NCOR1: variants seen among roughly 807,000 people sequenced by gnomAD.
NCOR1 encodes nuclear receptor corepressor 1, also known as protein phosphatase 1, regulatory subunit 109.
NCOR1 carries 63 observed loss-of-function variants against 288.1 expected under a neutral mutation model. The ratio of observed to expected loss-of-function variants is 0.22; its 90% CI spans 0.18 to 0.27. The LOEUF is 0.27. Ranked by LOEUF, NCOR1 falls within the 10% of genes least tolerant of loss-of-function variation. The pLI is 1.00. For missense variants in NCOR1, 2,397 were observed against 3,019.2 expected (o/e 0.79, Z 4.83); for synonymous variants, 1,007 against 1,065.9 (o/e 0.94, Z 1.08).
At chr17:16,127,621 A>G (rs940111914) in intron 14 of NCOR1, among the ~76,000 whole-genome samples, 2 of 143,024 alleles carry the variant, frequency 1.4e-5, no homozygotes, top group South Asian at 2.1e-4. Context: ...GTGTATGTGT[A>G]TATATACATA....
At chr17:16,087,115 C>A in intron 22 of NCOR1, 1 of 1,241,350 alleles carries the variant, frequency 8.1e-7, no homozygotes, top group African/African-American at 1.5e-5. Context: ...AAACCACCCA[C>A]GTGGAACATC....
chr17:16,210,330 C>G (rs1478564945), intron 1 of NCOR1, among the ~76,000 whole-genome samples: 2 of 151,394 alleles, frequency 1.3e-5, no homozygotes, highest in Non-Finnish European at 3.0e-5. Context: ...GTTATGGTGA[C>G]CTGAGACAGC....
intron 32 of NCOR1, among the ~76,000 whole-genome samples, chr17:16,067,252 T>C (rs117498586): frequency 1.7e-3 from 265 of 152,372 alleles, no homozygotes; most frequent in Non-Finnish European, 3.1e-3. Context: ...CAGCTGTACT[T>C]GTTACTAGAA....
intron 23 of NCOR1, among the ~76,000 whole-genome samples, chr17:16,084,997 TAAGAA>T (rs2152851869): frequency 1.3e-5 from 2 of 152,214 alleles, no homozygotes; most frequent in East Asian, 3.9e-4. Context: ...AAAATACCAG[TAAGAA>T]AATAAACAGA....
intron 25 of NCOR1, 122 bp downstream of exon 25, chr17:16,080,286 A>G (rs2063201412): frequency 7.2e-6 from 7 of 969,426 alleles, no homozygotes; most frequent in Non-Finnish European, 1.0e-5. Context: ...ATGGAAAGAA[A>G]ACAAATTTAG....
chr17:16,115,818 C>T (rs2071453546), intron 18 of NCOR1, among the ~76,000 whole-genome samples: 1 of 152,194 alleles, frequency 6.6e-6, no homozygotes, highest in Non-Finnish European at 1.5e-5. Context: ...TCTTCTGAGC[C>T]CTCCAAACTG....
rs1021378539 is a variant in NCOR1, at chr17:16,145,673, G to T, written c.1082+703C>A. 2.4e-4 allele frequency among the ~76,000 whole-genome samples: 37 copies of T among 152,196 alleles called. 1 individual carries two copies. The highest frequency in any genetic ancestry group is 7.5e-4 in the African/African-American group (31 of 41,520). On this transcript the variant is annotated intron_variant, in intron 10 of 45. Transcript: ENST00000268712. ...AGCGTCTCCGCCCCTTCCGGGAGGT[G>T]GGGGGCAGCCCCCGCCCAGCCAGCC...
At position 16,086,272 on chromosome 17, in the gene NCOR1, GT is replaced by G. The variant is rs2064217339; in HGVS notation, c.3177+9del. 1.2e-6 allele frequency: 2 copies of G among 1,612,274 alleles called. No homozygotes were observed. Among genetic ancestry groups the G allele is most frequent in the Non-Finnish European group, 1.7e-6 (2 of 1,179,090 alleles). On this transcript the variant is annotated intron_variant, in intron 23 of 45. Coordinates refer to ENST00000268712, the MANE Select transcript of NCOR1 (RefSeq NM_006311.4). The stretch of plus-strand genomic sequence containing the variant: ...AACAAGAAATCTACTGTAAAGAGAA[GT>G]CGTTTCACCTGTGAGATGGAGCCTC...
At chr17:16,183,366 A>G (rs536706245) in intron 3 of NCOR1, among the ~76,000 whole-genome samples, 52 of 152,036 alleles carry the variant, frequency 3.4e-4, no homozygotes, top group African/African-American at 9.9e-4. Flanking sequence ...TACACATTAA[A>G]AAAAAAAACT....
chr17:16,178,131 C>T (rs1194656718), intron 3 of NCOR1, among the ~76,000 whole-genome samples: 1 of 152,094 alleles, frequency 6.6e-6, no homozygotes, highest in Non-Finnish European at 1.5e-5. Context: ...ATCCCTTCAA[C>T]CCGGGAGGCA....
At chr17:16,087,576 C>G (rs1038773961) in intron 22 of NCOR1, among the ~76,000 whole-genome samples, 1 of 152,162 alleles carries the variant, frequency 6.6e-6, no homozygotes, top group Non-Finnish European at 1.5e-5. Flanking sequence ...AAAAGAACTT[C>G]TCTTTCCTCT....
chr17:16,115,022 G>A (rs2071277443), intron 18 of NCOR1, among the ~76,000 whole-genome samples: 1 of 152,094 alleles, frequency 6.6e-6, no homozygotes, highest in Non-Finnish European at 1.5e-5. Flanking sequence ...GAACATCCAG[G>A]CGTTTCCATA....
rs1598389650 is a variant in NCOR1, at chr17:16,086,169, T to C, written c.3177+113A>G. On this transcript the variant is annotated intron_variant, in intron 23 of 45. Transcript: ENST00000268712. ...GGTCATTATCTCTTGAAACTTCATA[T>C]TCAGACAGATTATTATTTATTACAA... The C allele has an allele frequency of 2.1e-5, 25 of 1,181,664 alleles. No homozygotes were observed. The East Asian group carries it at 5.9e-4, about 28-fold the overall frequency. The allele number at this position is 1,181,664 out of a possible 1,614,324, so 73.2% of individuals were successfully genotyped here. A position where few individuals can be genotyped will look rare whatever the true frequency, so the allele number is the denominator to read the frequency against.
intron 32 of NCOR1, among the ~76,000 whole-genome samples, chr17:16,066,811 GAA>G (rs1014301293): frequency 6.6e-5 from 10 of 152,126 alleles, no homozygotes; most frequent in Non-Finnish European, 1.3e-4. Flanking sequence ...CTATTATTAT[GAA>G]ATGTAAATAA....
intron 7 of NCOR1, 55 bp from the exon 8 acceptor site, chr17:16,152,053 A>G (rs2078946030): frequency 2.5e-6 from 3 of 1,192,306 alleles, no homozygotes; most frequent in Non-Finnish European, 3.6e-6. Context: ...GTCTATGAAG[A>G]GACAAAGAAA....
At chr17:16,135,033 C>A (rs2076186246) in intron 14 of NCOR1, among the ~76,000 whole-genome samples, 1 of 151,810 alleles carries the variant, frequency 6.6e-6, no homozygotes, top group Non-Finnish European at 1.5e-5. Context: ...GTGGCGGGTG[C>A]CGGTAGTCCC....
In NCOR1 at chr17:16,065,839, A is replaced by T. The variant is rs1260370252; in HGVS notation, c.4742-145T>A. Reference sequence around the variant, plus strand: ...TACTTAGCTACAAGGATTAAGGTGGATTTATTTTAGACCTTGATGTATTAG... The same window carrying T: ...TACTTAGCTACAAGGATTAAGGTGGTTTTATTTTAGACCTTGATGTATTAG... On this transcript the variant is annotated intron_variant, in intron 32 of 45. Transcript: ENST00000268712. 6 of 687,906 alleles carry T rather than the reference A, an allele frequency of 8.7e-6. No individual in the cohort carries two copies. The African/African-American group carries it at 1.1e-4, about 12-fold the overall frequency. 42.6% of individuals were successfully genotyped at this position (687,906 alleles called of 1,614,324 possible). A position where few individuals can be genotyped will look rare whatever the true frequency, so the allele number is the denominator to read the frequency against.
intron 3 of NCOR1, among the ~76,000 whole-genome samples, chr17:16,177,423 C>CCCAAAGTGCTGGG (rs1197196691): frequency 6.6e-6 from 1 of 150,506 alleles, no homozygotes; most frequent in African/African-American, 2.5e-5. Context: ...ATATTCGCCT[C>CCCAAAGTGCTGGG]ATTTGTGCCA....
rs2072929213 is a variant in NCOR1, at chr17:16,121,111, G to A, written c.1793C>T (p.Ala598Val). 9.3e-6 allele frequency: 15 copies of A among 1,614,044 alleles called. No homozygotes were observed. Among genetic ancestry groups the A allele is most frequent in the Non-Finnish European group, 1.3e-5 (15 of 1,180,020 alleles). The part of the protein sequence containing the change: ...SMTNEAAAAS[A>V]AAAAATEEPP... Reference sequence around the variant, plus strand: ...CTCTTCAGTAGCCGCTGCGGCTGCAGCACTGGCAGCTGCAGCTTCGTTTGT... The same window carrying A: ...CTCTTCAGTAGCCGCTGCGGCTGCAACACTGGCAGCTGCAGCTTCGTTTGT... Residue 598 changes from alanine to valine, a missense_variant, in exon 16 of 46, where the codon GCT (alanine) becomes GTT (valine). By Grantham distance (64) the Ala-to-Val change is moderately conservative. Transcript: ENST00000268712.
Sources: allele counts gnomAD v4.1 joint callset (sites outside exome capture counted in the v4.1 genomes callset), GRCh38; gene constraint gnomAD v4.1.1; transcripts MANE v1.5; gene names NCBI Gene and HGNC (gene_info 2026-07-23, HGNC 2026-07-21).